The following ZBTB20 variants were observed in gnomAD, a reference collection of about 807,000 sequenced individuals.
ZBTB20 encodes zinc finger and BTB domain containing 20.
A neutral mutation model predicts 56.9 loss-of-function variants in ZBTB20; 9 were observed. The observed-to-expected ratio is 0.16, with a 90% CI of 0.10 to 0.28. The LOEUF (loss-of-function observed/expected upper bound fraction) is 0.28, where lower values mean the gene tolerates loss of function less well. Ranked by LOEUF, ZBTB20 falls within the 10% of genes least tolerant of loss-of-function variation. The pLI is 1.00. For missense variants in ZBTB20, 655 were observed against 1,003.0 expected, an observed-to-expected ratio of 0.65 and a Z score of 4.69; for synonymous variants, 417 against 420.7, an observed-to-expected ratio of 0.99 and a Z score of 0.11.
chr3:114,807,219 C>T (rs1395025166), intron 4 of ZBTB20, among the ~76,000 whole-genome samples: 1 of 151,870 alleles, frequency 6.6e-6, no homozygotes, highest in Non-Finnish European at 1.5e-5. Context: ...GATTTCTGTA[C>T]AATATCTCTT....
chr3:114,942,209 T>C (rs260175), intron 3 of ZBTB20, among the ~76,000 whole-genome samples: 143,047 of 145,066 alleles, frequency 0.99, 70,933 homozygotes, highest in East Asian at 1. Context: ...CATGTAATCA[T>C]GTAAATTACA....
At chr3:114,712,377 G>A (rs904805053) in intron 5 of ZBTB20, among the ~76,000 whole-genome samples, 55 of 151,984 alleles carry the variant, frequency 3.6e-4, no homozygotes, top group African/African-American at 1.1e-3. Flanking sequence ...CAGGCCGGGC[G>A]CGGTGGCTCA....
At chr3:114,367,293 A>C (rs1292284176) in intron 10 of ZBTB20, 1 of 152,138 alleles carries the variant, frequency 6.6e-6, no homozygotes, top group East Asian at 1.9e-4. Flanking sequence ...TAGAGACAGG[A>C]TCTCACTCTG....
chr3:114,807,609 T>C (rs556000577), intron 4 of ZBTB20, among the ~76,000 whole-genome samples: 1 of 152,158 alleles, frequency 6.6e-6, no homozygotes, highest in Non-Finnish European at 1.5e-5. Flanking sequence ...CGGTCAGGTT[T>C]TCATCATTAC....
At chr3:114,801,686 A>G (rs1244764647) in intron 4 of ZBTB20, among the ~76,000 whole-genome samples, 1 of 151,920 alleles carries the variant, frequency 6.6e-6, no homozygotes, top group East Asian at 1.9e-4. Context: ...GGTGAGGTAG[A>G]TGGTGAAGAA....
At chr3:114,950,009 C>T (rs1400007321) in intron 3 of ZBTB20, among the ~76,000 whole-genome samples, 1 of 152,124 alleles carries the variant, frequency 6.6e-6, no homozygotes, top group Non-Finnish European at 1.5e-5. Flanking sequence ...CTTAATTTCA[C>T]TAATCATTAG....
At chr3:114,645,456 T>A (rs573435766) in intron 6 of ZBTB20, among the ~76,000 whole-genome samples, 1 of 152,212 alleles carries the variant, frequency 6.6e-6, no homozygotes, top group East Asian at 1.9e-4. Flanking sequence ...AGACTGACTA[T>A]ATCAATTTGT....
intron 7 of ZBTB20, among the ~76,000 whole-genome samples, chr3:114,405,348 T>C (rs2087211198): frequency 6.6e-6 from 1 of 152,154 alleles, no homozygotes; most frequent in Non-Finnish European, 1.5e-5. Context: ...CATAGCTAAA[T>C]GGCGAAGACA....
At chr3:115,019,123 G>C (rs1341293082) in intron 2 of ZBTB20, among the ~76,000 whole-genome samples, 2 of 151,200 alleles carry the variant, frequency 1.3e-5, no homozygotes, top group African/African-American at 2.4e-5. Context: ...AATATTTTAA[G>C]TGCTGCCACA....
At chr3:115,138,668 A>G (rs2084721870) in intron 1 of ZBTB20, among the ~76,000 whole-genome samples, 1 of 152,100 alleles carries the variant, frequency 6.6e-6, no homozygotes, top group African/African-American at 2.4e-5. Context: ...GAGCCTTCGC[A>G]TATCTTTAAA....
intron 1 of ZBTB20, among the ~76,000 whole-genome samples, chr3:115,073,971 T>C (rs1190725642): frequency 2.0e-5 from 3 of 152,244 alleles, no homozygotes; most frequent in Non-Finnish European, 2.9e-5. Context: ...AATTGGTCCA[T>C]AATTAGTGAA....
In ZBTB20 at chr3:114,323,309, T is replaced by C. The variant is rs913018657; in HGVS notation, c.*15696A>G. ...GTATGTTCTAATCCATCCTCCAATG[T>C]CCAAGTTGGCCTAGCTTGTTTCAAA... On this transcript the variant is annotated 3_prime_UTR_variant, in exon 12 of 12. Transcript: ENST00000675478. 2.6e-5 allele frequency: 4 copies of C among 152,366 alleles called. 1 individual carries two copies. The South Asian group carries it at 8.3e-4, about 32-fold the overall frequency. The allele number at this position is 152,366 out of a possible 1,614,324, so 9.4% of individuals were successfully genotyped here. A position where few individuals can be genotyped will look rare whatever the true frequency, so the allele number is the denominator to read the frequency against.
intron 4 of ZBTB20, among the ~76,000 whole-genome samples, chr3:114,875,929 T>C (rs2076174421): frequency 6.6e-6 from 1 of 152,128 alleles, no homozygotes; most frequent in African/African-American, 2.4e-5. Context: ...GACAATATTA[T>C]ACATTATGAA....
chr3:114,670,527 A>G (rs1302940813), intron 6 of ZBTB20, among the ~76,000 whole-genome samples: 1 of 152,104 alleles, frequency 6.6e-6, no homozygotes, highest in Non-Finnish European at 1.5e-5. Context: ...AGGTAGAGAT[A>G]GTTTTAGGTT....
chr3:114,696,065 C>A (rs1560138024), intron 5 of ZBTB20, among the ~76,000 whole-genome samples: 1 of 151,964 alleles, frequency 6.6e-6, no homozygotes, highest in South Asian at 2.1e-4. Flanking sequence ...AAGATTTCCG[C>A]AAGTCATCAC....
intron 1 of ZBTB20, among the ~76,000 whole-genome samples, chr3:115,146,105 C>T (rs936236193): frequency 2.0e-5 from 3 of 152,178 alleles, no homozygotes; most frequent in Admixed American, 6.5e-5. Flanking sequence ...GTACTACACC[C>T]GCAAGCTTCC....
At chr3:114,643,062 C>CT (rs1340147263) in intron 6 of ZBTB20, among the ~76,000 whole-genome samples, 1 of 152,072 alleles carries the variant, frequency 6.6e-6, no homozygotes, top group African/African-American at 2.4e-5. Flanking sequence ...TTTATGGCCT[C>CT]TTGTAACATT....
At chr3:114,993,678 AATC>A (rs1386609327) in intron 2 of ZBTB20, among the ~76,000 whole-genome samples, 2 of 151,890 alleles carry the variant, frequency 1.3e-5, no homozygotes, top group African/African-American at 4.8e-5. Context: ...TCAAAGAAGA[AATC>A]ATAATTGAAA....
intron 10 of ZBTB20, among the ~76,000 whole-genome samples, chr3:114,373,385 A>G (rs943151969): frequency 2.6e-5 from 4 of 152,372 alleles, no homozygotes; most frequent in African/African-American, 4.8e-5. Flanking sequence ...TTACCCAAAT[A>G]CAAATCTTCC....
Sources: allele counts gnomAD v4.1 joint callset (sites outside exome capture counted in the v4.1 genomes callset), GRCh38; gene constraint gnomAD v4.1.1; transcripts MANE v1.5; gene names NCBI Gene and HGNC (gene_info 2026-07-23, HGNC 2026-07-21).